SAG: variants seen among roughly 807,000 people sequenced by gnomAD.
SAG encodes the protein S-antigen visual arrestin, also known as S-arrestin.
Under a neutral mutation model 55.0 loss-of-function variants are expected in SAG, and 45 were observed. The observed-to-expected ratio is 0.82, with a 90% confidence interval of 0.64 to 1.05. The LOEUF is 1.05. SAG is among the 50% of genes least tolerant of loss of function. The pLI, the probability that SAG is intolerant of heterozygous loss-of-function variation, is 0.00. For missense variants in SAG, 455 were observed against 512.1 expected, an observed-to-expected ratio of 0.89 and a Z score of 1.08; for synonymous variants, 189 against 197.4, an observed-to-expected ratio of 0.96 and a Z score of 0.36.
chr2:233,340,364 A>T lies in SAG; in HGVS notation c.1023-91A>T. 8.9e-7 allele frequency: 1 copy of T among 1,118,968 alleles called. No homozygotes were observed. The allele number at this position is 1,118,968 out of a possible 1,614,324, so 69.3% of individuals were successfully genotyped here. A position where few individuals can be genotyped will look rare whatever the true frequency, so the allele number is the denominator to read the frequency against. ...TGTGAGTTCGGGTGCAAGGGCCATGAGAGCTGGGCTGTGTCCTGCCTCTGA... is the reference window on the plus strand; with the variant it reads ...TGTGAGTTCGGGTGCAAGGGCCATGTGAGCTGGGCTGTGTCCTGCCTCTGA... On this transcript the variant is annotated intron_variant, in intron 12 of 15. Transcript: ENST00000409110. This position sits in a 1 kb window ranked among gnomAD's most constrained non-coding sequence, Gnocchi z 4.2.
chr2:233,334,865 G>T, intron 10 of SAG, 97 bp from the exon 11 acceptor site: 1 of 1,447,146 alleles, frequency 6.9e-7, no homozygotes, highest in South Asian at 1.2e-5. Flanking sequence ...TCCATCAGGG[G>T]ATGTGGATCC....
intron 3 of SAG, among the ~76,000 whole-genome samples, chr2:233,316,755 A>G (rs1700226438): frequency 1.3e-5 from 2 of 152,264 alleles, no homozygotes; most frequent in Admixed American, 6.5e-5. Flanking sequence ...AAGAAGATAC[A>G]TGAAGACAAG....
chr2:233,327,853 T>G (rs1238978209), intron 7 of SAG: 1 of 152,574 alleles, frequency 6.6e-6, no homozygotes, highest in Non-Finnish European at 1.5e-5. Context: ...CCCGGCCCAT[T>G]TTAACCACTT....
chr2:233,321,349 G>A (rs148522859), intron 5 of SAG, among the ~76,000 whole-genome samples: 36 of 152,298 alleles, frequency 2.4e-4, no homozygotes, highest in African/African-American at 8.7e-4. Context: ...TCAATTGGGG[G>A]AAGCTACCAT....
intron 2 of SAG, among the ~76,000 whole-genome samples, chr2:233,313,146 T>C (rs189425779): frequency 1.8e-4 from 28 of 152,130 alleles, no homozygotes; most frequent in African/African-American, 6.8e-4. Context: ...GGCCACATGC[T>C]CCCGGGGCAC....
At chr2:233,342,448 C>T in intron 14 of SAG, 122 bp downstream of exon 14, 1 of 783,858 alleles carries the variant, frequency 1.3e-6, no homozygotes, top group African/African-American at 1.7e-5. Flanking sequence ...GTAAGAGATT[C>T]CATGTGATCT....
chr2:233,314,265 G>A (rs376181506), intron 2 of SAG, among the ~76,000 whole-genome samples: 5 of 151,712 alleles, frequency 3.3e-5, no homozygotes, highest in Non-Finnish European at 5.9e-5. Flanking sequence ...TGCGCCACAC[G>A]GCAGTGACGA....
At chr2:233,325,899 G>A (rs1039571943) in intron 6 of SAG, among the ~76,000 whole-genome samples, 2 of 152,098 alleles carry the variant, frequency 1.3e-5, no homozygotes, top group African/African-American at 2.4e-5. Context: ...GCTCAACAAC[G>A]GCCGGCTGAT....
Position 233,340,761 on chromosome 2 carries a change from G to T in SAG, c.1046+283G>T, listed in dbSNP as rs977930429. ...CTCCATGCAGCCAGCTTGTGTGTGTGTGTGTGTGTTTGTGTGCGGTAAAAT... is the reference window on the plus strand; with the variant it reads ...CTCCATGCAGCCAGCTTGTGTGTGTTTGTGTGTGTTTGTGTGCGGTAAAAT... On this transcript the variant is annotated intron_variant, in intron 13 of 15. Transcript: ENST00000409110. This position sits in a 1 kb window ranked among gnomAD's most constrained non-coding sequence, Gnocchi z 4.2. Among the ~76,000 whole-genome samples the T allele has an allele frequency of 2.6e-5, 4 of 152,044 alleles. No homozygotes were observed. Among genetic ancestry groups the T allele is most frequent in the Admixed American group, 1.3e-4 (2 of 15,272 alleles).
chr2:233,346,778 T>C (rs777937631), intron 15 of SAG, 29 bp from the exon 16 acceptor site: 1 of 1,411,146 alleles, frequency 7.1e-7, no homozygotes, highest in Non-Finnish European at 1.0e-6. Context: ...GGGCGTGCAA[T>C]GATCAAAATG....
chr2:233,339,751 C>A (rs1442960717), intron 12 of SAG, among the ~76,000 whole-genome samples: 2 of 151,898 alleles, frequency 1.3e-5, no homozygotes, highest in Non-Finnish European at 1.5e-5. Flanking sequence ...GTAACCTCCA[C>A]CTCCCAGGTT....
rs751346191 is a variant in SAG at position 233,309,255 on chromosome 2, G to C, written c.66G>C (p.Arg22=). 6.2e-7 allele frequency: 1 copy of C among 1,613,310 alleles called. No homozygotes were observed. Among genetic ancestry groups the C allele is most frequent in the South Asian group, 1.1e-5 (1 of 91,022 alleles). The change falls in exon 2 of 16, where the codon CGG becomes CGC. Residue 22 remains arginine, a synonymous_variant. Coordinates refer to ENST00000409110, the MANE Select transcript of SAG (RefSeq NM_000541.5). ...PNHVIFKKIS[R]DKSVTIYLGN... ...ATGTTATCTTCAAGAAGATCTCCCG[G>C]GACAAATCGGTGAGTGGTGCACAAG...
chr2:233,325,902 C>T (rs1200592139), intron 6 of SAG, among the ~76,000 whole-genome samples: 1 of 152,066 alleles, frequency 6.6e-6, no homozygotes, highest in African/African-American at 2.4e-5. Flanking sequence ...CAACAACGGC[C>T]GGCTGATGGC....
rs1336253046 is a variant in SAG, at chr2:233,340,101, C to T, written c.1023-354C>T. On this transcript the variant is annotated intron_variant, in intron 12 of 15. Coordinates refer to ENST00000409110, the MANE Select transcript of SAG (RefSeq NM_000541.5). The surrounding 1 kb of genome is among the most constrained non-coding windows in gnomAD (Gnocchi z 4.2). ...CCTCCCGAGTAGCTAAGATTACAGG[C>T]GCCTGCCACCATGCCCGGCTAATTT... 5.3e-5 allele frequency among the ~76,000 whole-genome samples: 8 copies of T among 151,326 alleles called. No individual in the cohort carries two copies. Among genetic ancestry groups the T allele is most frequent in the Admixed American group, 3.9e-4 (6 of 15,194 alleles).
intron 3 of SAG, 26 bp downstream of exon 3, chr2:233,316,161 T>C: frequency 2.8e-6 from 4 of 1,428,994 alleles, no homozygotes; most frequent in Non-Finnish European, 2.9e-6. Context: ...AAAACTGTAA[T>C]GCTGGTTTTC....
At position 233,316,073 on chromosome 2, in the gene SAG, A is replaced by C. The variant is rs2125324202; in HGVS notation, c.76-2A>C. On this transcript the variant is annotated splice_acceptor_variant, in intron 2 of 15. Coordinates refer to ENST00000409110, the MANE Select transcript of SAG (RefSeq NM_000541.5). LOFTEE classifies it high-confidence loss of function. Reference sequence around the variant, plus strand: ...TTAGACCCACACCTGTTCTTCTTGCAGGTGACCATCTACCTGGGGAACAGA... The same window carrying C: ...TTAGACCCACACCTGTTCTTCTTGCCGGTGACCATCTACCTGGGGAACAGA... The C allele has an allele frequency of 6.3e-7, 1 of 1,578,208 alleles. No individual in the cohort carries two copies. The highest frequency in any genetic ancestry group is 8.7e-7 in the Non-Finnish European group (1 of 1,155,002).
chr2:233,323,030 G>GT (rs1176559168), intron 6 of SAG, 25 bp downstream of exon 6: 11 of 1,451,666 alleles, frequency 7.6e-6, no homozygotes, highest in Admixed American at 5.8e-5. Flanking sequence ...AAATGCCATG[G>GT]TTTTATGGAT....
chr2:233,308,818 G>A (rs963301581), intron 1 of SAG, among the ~76,000 whole-genome samples: 2 of 152,264 alleles, frequency 1.3e-5, no homozygotes. Context: ...ACACAGTCAC[G>A]ATAGAACTTT....
intron 2 of SAG, among the ~76,000 whole-genome samples, chr2:233,315,067 G>T (rs1700179733): frequency 6.6e-6 from 1 of 152,166 alleles, no homozygotes; most frequent in South Asian, 2.1e-4. Flanking sequence ...AGTGCTGAGG[G>T]CTGGGAAACC....
Sources: allele counts gnomAD v4.1 joint callset (sites outside exome capture counted in the v4.1 genomes callset), GRCh38; gene constraint gnomAD v4.1.1; non-coding constraint Gnocchi (gnomAD v3.1); transcripts MANE v1.5; gene names NCBI Gene and HGNC (gene_info 2026-07-23, HGNC 2026-07-21).